TCF4: variants seen among roughly 807,000 people sequenced by gnomAD.
TCF4 encodes SL3-3 enhancer factor 2.
In TCF4, 3 loss-of-function variants were observed where a neutral mutation model predicts 82.1. That is an observed-to-expected ratio of 0.04 (90% CI 0.02 to 0.09). TCF4 has a LOEUF of 0.09. Ranked by LOEUF, TCF4 falls within the 10% of genes least tolerant of loss-of-function variation. The probability of loss-of-function intolerance (pLI) is 1.00; values close to 1 mark genes in which losing one functional copy is unlikely to be tolerated. For missense variants in TCF4, 518 were observed against 852.7 expected (o/e 0.61, Z 4.89); for synonymous variants, 276 against 309.6 (o/e 0.89, Z 1.14).
intron 3 of TCF4, among the ~76,000 whole-genome samples, chr18:55,584,382 C>T (rs1054417106): frequency 1.3e-5 from 2 of 152,050 alleles, no homozygotes; most frequent in African/African-American, 4.8e-5. Context: ...AATACTGCAG[C>T]TGTTTAACAA....
chr18:55,429,115 G>GA (rs879803747), intron 5 of TCF4, among the ~76,000 whole-genome samples: 2 of 152,028 alleles, frequency 1.3e-5, no homozygotes, highest in Non-Finnish European at 2.9e-5. Flanking sequence ...GCAAATATAG[G>GA]AAAAAAGAAC....
chr18:55,396,459 G>A (rs1443833780), intron 6 of TCF4, among the ~76,000 whole-genome samples: 1 of 152,132 alleles, frequency 6.6e-6, no homozygotes, highest in African/African-American at 2.4e-5. Flanking sequence ...AAGGACTGAG[G>A]CAGGGATTAT....
At chr18:55,492,954 C>T (rs912437500) in intron 3 of TCF4, among the ~76,000 whole-genome samples, 2 of 152,140 alleles carry the variant, frequency 1.3e-5, no homozygotes, top group Non-Finnish European at 2.9e-5. Flanking sequence ...AACACCTCCA[C>T]CCACAAAGAC....
chr18:55,302,384 G>C (rs1278663467), intron 8 of TCF4: 2 of 1,533,854 alleles, frequency 1.3e-6, no homozygotes, highest in Admixed American at 3.9e-5. Context: ...GCAGGCTCAG[G>C]ATAGACCACT....
intron 9 of TCF4, 97 bp from the exon 10 acceptor site, chr18:55,275,849 G>C: frequency 6.7e-7 from 1 of 1,482,950 alleles, no homozygotes; most frequent in Non-Finnish European, 9.4e-7. Context: ...TGCCTGTTGT[G>C]TTATTCATCT....
chr18:55,588,304 G>A (rs570044800), upstream of TCF4: 23 of 1,457,314 alleles, frequency 1.6e-5, no homozygotes, highest in African/African-American at 2.1e-4. Context: ...GGAATTGCAA[G>A]TTCAGCAAAG....
chr18:55,401,766 T>G, intron 6 of TCF4: 1 of 985,880 alleles, frequency 1.0e-6, no homozygotes, highest in African/African-American at 1.7e-5. Context: ...CTGTGAGGAA[T>G]CACGCCAATT....
intron 7 of TCF4, among the ~76,000 whole-genome samples, chr18:55,350,673 C>T (rs1427740723): frequency 2.0e-5 from 3 of 151,806 alleles, no homozygotes; most frequent in Admixed American, 2.0e-4. Flanking sequence ...TAAGCAGACA[C>T]CAAAAAAGTT....
At chr18:55,230,353 A>G (rs1362352784) in intron 17 of TCF4, 1 of 152,268 alleles carries the variant, frequency 6.6e-6, no homozygotes, top group African/African-American at 2.4e-5. Flanking sequence ...AAAGCATATC[A>G]TATGAGGAAG....
chr18:55,283,290 AAATTT>A (rs1189304007), intron 8 of TCF4, among the ~76,000 whole-genome samples: 1 of 152,138 alleles, frequency 6.6e-6, no homozygotes, highest in Non-Finnish European at 1.5e-5. Flanking sequence ...AAAGAAAAAA[AAATTT>A]AATTTATTCT....
chr18:55,320,882 A>G (rs2075319466), intron 8 of TCF4: 1 of 152,642 alleles, frequency 6.6e-6, no homozygotes, highest in African/African-American at 2.4e-5. Context: ...GACGAAGGAA[A>G]AAAAAAATAA....
intron 3 of TCF4, among the ~76,000 whole-genome samples, chr18:55,575,254 A>G (rs1364533216): frequency 6.6e-6 from 1 of 152,250 alleles, no homozygotes; most frequent in Non-Finnish European, 1.5e-5. Flanking sequence ...ACAGAAAAGC[A>G]TTCAATGGTT....
chr18:55,355,664 C>T (rs1458035795), intron 6 of TCF4, among the ~76,000 whole-genome samples: 1 of 152,118 alleles, frequency 6.6e-6, no homozygotes. Flanking sequence ...CAAGAGTACA[C>T]CTTTATAATT....
chr18:55,527,515 T>C (rs868657801), intron 3 of TCF4, among the ~76,000 whole-genome samples: 6 of 152,186 alleles, frequency 3.9e-5, no homozygotes, highest in African/African-American at 1.2e-4. Context: ...CCATAGATCA[T>C]TGGAATTCAT....
At chr18:55,247,187 G>A (rs2053546901) in intron 15 of TCF4, among the ~76,000 whole-genome samples, 1 of 152,226 alleles carries the variant, frequency 6.6e-6, no homozygotes, top group African/African-American at 2.4e-5. Flanking sequence ...TAGAAAGAAT[G>A]TCTGTAACAC....
intron 3 of TCF4, among the ~76,000 whole-genome samples, chr18:55,526,200 C>T (rs1173783618): frequency 1.3e-5 from 2 of 152,044 alleles, no homozygotes; most frequent in Non-Finnish European, 2.9e-5. Context: ...GAAACAAAAA[C>T]AAAAAATGTA....
Position 55,390,002 on chromosome 18 carries a change from G to A in TCF4, c.369+13452C>T, listed in dbSNP as rs187839393. On this transcript the variant is annotated intron_variant, in intron 6 of 19. Transcript: ENST00000354452. ...GGACACAGATGGAAGAACTAATCCC[G>A]ACGGACTGAAATCCAATCAATGGAA... 9.9e-5 allele frequency among the ~76,000 whole-genome samples: 15 copies of A among 152,222 alleles called. 1 individual carries two copies. The South Asian group carries it at 2.1e-3, about 21-fold the overall frequency.
chr18:55,285,653 T>C lies in TCF4; in HGVS notation c.550-5997A>G, dbSNP rs917494471. 6.6e-5 allele frequency among the ~76,000 whole-genome samples: 10 copies of C among 152,196 alleles called. 1 individual carries two copies. The South Asian group carries it at 2.1e-3, about 32-fold the overall frequency. On this transcript the variant is annotated intron_variant, in intron 8 of 19. Coordinates refer to ENST00000354452, the MANE Select transcript of TCF4 (RefSeq NM_001083962.2). Reference sequence around the variant, plus strand: ...ACATCACCAACACAGGACTTTCTCATCATCACAAAAAGGTCTACCGGGGAG... The same window carrying C: ...ACATCACCAACACAGGACTTTCTCACCATCACAAAAAGGTCTACCGGGGAG...
intron 3 of TCF4, among the ~76,000 whole-genome samples, chr18:55,515,196 G>C (rs181942135): frequency 3.3e-5 from 5 of 152,228 alleles, no homozygotes; most frequent in African/African-American, 9.6e-5. Context: ...AGTCAGGCAA[G>C]TAGATGAGAG....
Sources: allele counts gnomAD v4.1 joint callset (sites outside exome capture counted in the v4.1 genomes callset), GRCh38; gene constraint gnomAD v4.1.1; transcripts MANE v1.5; gene names NCBI Gene and HGNC (gene_info 2026-07-23, HGNC 2026-07-21).